Variants in BRAF observed in about 807,000 individuals in gnomAD.
BRAF encodes serine/threonine-protein kinase B-raf.
Under a neutral mutation model 104.6 loss-of-function variants are expected in BRAF, and 16 were observed. That is an observed-to-expected ratio of 0.15 (90% CI 0.10 to 0.23). The LOEUF is 0.23. Among genes scored for constraint, BRAF ranks in the 10% least tolerant of loss-of-function variants. The pLI, the probability that BRAF is intolerant of heterozygous loss-of-function variation, is 1.00. For synonymous variants in BRAF, 310 were observed against 341.6 expected (o/e 0.91, Z 1.02); for missense variants, 541 against 937.3 (o/e 0.58, Z 5.52).
At chr7:140,843,074 C>T (rs1261756580) in intron 2 of BRAF, among the ~76,000 whole-genome samples, 1 of 152,112 alleles carries the variant, frequency 6.6e-6, no homozygotes, top group Admixed American at 6.5e-5. Flanking sequence ...TGACAGCATA[C>T]AAACTAATCT....
chr7:140,803,115 G>C (rs1803301119), intron 5 of BRAF, among the ~76,000 whole-genome samples: 2 of 152,198 alleles, frequency 1.3e-5, no homozygotes, highest in Non-Finnish European at 2.9e-5. Flanking sequence ...GAAGCAATAG[G>C]CTCTACCATA....
chr7:140,893,897 A>G (rs1009608566), intron 1 of BRAF, among the ~76,000 whole-genome samples: 1 of 152,188 alleles, frequency 6.6e-6, no homozygotes, highest in African/African-American at 2.4e-5. Context: ...TCACTCCTGT[A>G]ATCCCAGCAC....
Position 140,723,690 on chromosome 7 carries a change from GA to G in BRAF, c.*2803del. 1 of 1,051,764 alleles carries G rather than the reference GA, an allele frequency of 9.5e-7. No homozygotes were observed. The highest frequency in any genetic ancestry group is 1.1e-6 in the Non-Finnish European group (1 of 870,742). The allele number at this position is 1,051,764 out of a possible 1,614,324, so 65.2% of individuals were successfully genotyped here. A position where few individuals can be genotyped will look rare whatever the true frequency, so the allele number is the denominator to read the frequency against. Reference sequence around the variant, plus strand: ...TCTGTAGTTGCTCTCAAATTTTTCAGAAGGCTTCACCTCTCCCTACCAAAAA... The same window carrying G: ...TCTGTAGTTGCTCTCAAATTTTTCAGAGGCTTCACCTCTCCCTACCAAAAA... On this transcript the variant is annotated 3_prime_UTR_variant, in exon 20 of 20. Coordinates refer to ENST00000644969, the MANE Select transcript of BRAF (RefSeq NM_001374258.1).
chr7:140,872,407 T>C (rs1811716279), intron 1 of BRAF, among the ~76,000 whole-genome samples: 1 of 151,866 alleles, frequency 6.6e-6, no homozygotes, highest in Non-Finnish European at 1.5e-5. Context: ...AAAGTTAATA[T>C]CCCAGAATAC....
intron 3 of BRAF, among the ~76,000 whole-genome samples, chr7:140,818,461 C>T (rs10236694): frequency 0.028 from 4,219 of 151,808 alleles, 207 homozygotes; most frequent in African/African-American, 0.095. Flanking sequence ...TACAGGTGTG[C>T]GCCACAATGC....
At chr7:140,789,119 G>T (rs1220723235) in intron 8 of BRAF, among the ~76,000 whole-genome samples, 2 of 151,918 alleles carry the variant, frequency 1.3e-5, no homozygotes, top group African/African-American at 4.8e-5. Flanking sequence ...TGAGGCAGGA[G>T]AATTGCTTGA....
chr7:140,887,775 G>GT (rs1046592920), intron 1 of BRAF, among the ~76,000 whole-genome samples: 3 of 152,068 alleles, frequency 2.0e-5, no homozygotes, highest in African/African-American at 4.8e-5. Flanking sequence ...GTGCAGTAGT[G>GT]TGATCACAGC....
chr7:140,759,081 G>GTT (rs987372857), intron 14 of BRAF, among the ~76,000 whole-genome samples: 1 of 152,202 alleles, frequency 6.6e-6, no homozygotes, highest in African/African-American at 2.4e-5. Flanking sequence ...TGCATGCAGT[G>GTT]TTACGGGGTA....
chr7:140,880,076 C>T (rs10281173), intron 1 of BRAF, among the ~76,000 whole-genome samples: 45,223 of 152,036 alleles, frequency 0.3, 10,786 homozygotes, highest in African/African-American at 0.66. Flanking sequence ...GCTGTGCCGA[C>T]TGACTTTTTT....
chr7:140,883,176 T>C (rs1813146739), intron 1 of BRAF, among the ~76,000 whole-genome samples: 1 of 152,166 alleles, frequency 6.6e-6, no homozygotes, highest in Non-Finnish European at 1.5e-5. Flanking sequence ...TTGAGGATTC[T>C]TTCACTGGTT....
At chr7:140,779,312 C>G (rs1562955854) in intron 12 of BRAF, among the ~76,000 whole-genome samples, 1 of 152,106 alleles carries the variant, frequency 6.6e-6, no homozygotes, top group African/African-American at 2.4e-5. Context: ...TCATGGCTCA[C>G]TGCAGCCTTG....
intron 1 of BRAF, among the ~76,000 whole-genome samples, chr7:140,918,949 C>T (rs1199293820): frequency 4.6e-5 from 7 of 151,936 alleles, no homozygotes; most frequent in African/African-American, 1.7e-4. Flanking sequence ...ACCATCCTGG[C>T]CAACACGGTG....
intron 3 of BRAF, among the ~76,000 whole-genome samples, chr7:140,823,087 G>A (rs1805654193): frequency 1.3e-5 from 2 of 152,148 alleles, no homozygotes; most frequent in Non-Finnish European, 2.9e-5. Context: ...ACTTCCCAAA[G>A]CACTGAGATT....
intron 1 of BRAF, among the ~76,000 whole-genome samples, chr7:140,862,543 T>A (rs547398819): frequency 4.6e-4 from 70 of 152,336 alleles, no homozygotes; most frequent in African/African-American, 1.6e-3. Flanking sequence ...ATTAAAAGAC[T>A]CATATCTACA....
At chr7:140,777,684 T>G (rs969949962) in intron 13 of BRAF, among the ~76,000 whole-genome samples, 1 of 152,218 alleles carries the variant, frequency 6.6e-6, no homozygotes, top group Non-Finnish European at 1.5e-5. Flanking sequence ...CACCTCTAAA[T>G]GTATTCTGAT....
rs528849961 is a variant in BRAF at position 140,895,978 on chromosome 7, TAC to T, written c.138+28586_138+28587del. Among the ~76,000 whole-genome samples the T allele has an allele frequency of 1.1e-4, 16 of 152,330 alleles. No individual in the cohort carries two copies. The South Asian group carries it at 1.5e-3, about 14-fold the overall frequency. On this transcript the variant is annotated intron_variant, in intron 1 of 19. Coordinates refer to ENST00000644969, the MANE Select transcript of BRAF (RefSeq NM_001374258.1). Reference sequence around the variant, plus strand: ...TAGATCACAGGAACCTCCATACTGATACAGTGTCTGTACTAGTTTACATTCCC... The same window carrying T: ...TAGATCACAGGAACCTCCATACTGATAGTGTCTGTACTAGTTTACATTCCC...
At chr7:140,814,069 A>G (rs1203555074) in intron 3 of BRAF, among the ~76,000 whole-genome samples, 1 of 152,212 alleles carries the variant, frequency 6.6e-6, no homozygotes, top group Non-Finnish European at 1.5e-5. Flanking sequence ...TAGGAAAACT[A>G]AAAAGAGGTA....
chr7:140,787,023 C>T (rs918429201), intron 9 of BRAF, among the ~76,000 whole-genome samples: 4 of 152,038 alleles, frequency 2.6e-5, no homozygotes, highest in Non-Finnish European at 4.4e-5. Flanking sequence ...TCCTTTTGGC[C>T]GGGCGCGGTG....
At chr7:140,781,475 C>T (rs768112562) in intron 12 of BRAF, 101 bp downstream of exon 11, 35 of 1,148,660 alleles carry the variant, frequency 3.0e-5, no homozygotes, top group South Asian at 9.9e-5. Flanking sequence ...TTTATTGATG[C>T]GAACAGTGAA....
Sources: gnomAD v4.1 joint callset for allele counts (sites outside exome capture counted in the v4.1 genomes callset) on GRCh38, gnomAD v4.1.1 for gene constraint, MANE v1.5 for transcripts, NCBI Gene and HGNC (gene_info 2026-07-23, HGNC 2026-07-21) for gene names.